PAK1: variants seen among roughly 807,000 people sequenced by gnomAD.
The protein encoded by PAK1 is p21 (RAC1) activated kinase 1.
PAK1 carries 29 observed loss-of-function variants against 67.4 expected under a neutral mutation model. The observed-to-expected ratio is 0.43, with a 90% CI of 0.32 to 0.59. The LOEUF (loss-of-function observed/expected upper bound fraction) is 0.59, where lower values mean the gene tolerates loss of function less well. Ranked by LOEUF, PAK1 falls within the 20% of genes least tolerant of loss-of-function variation. PAK1 has a pLI of 0.07. For synonymous variants in PAK1, 223 were observed against 237.4 expected, an observed-to-expected ratio of 0.94 and a Z score of 0.56; for missense variants, 337 against 670.7, an observed-to-expected ratio of 0.50 and a Z score of 5.50.
the PAK1 span, among the ~76,000 whole-genome samples, chr11:77,487,908 C>T: frequency 6.6e-6 from 1 of 152,144 alleles, no homozygotes; most frequent in East Asian, 1.9e-4. Flanking sequence ...ATTGTAGAGC[C>T]CTAGGGCCTT....
the PAK1 span, among the ~76,000 whole-genome samples, chr11:77,482,605 T>TC: frequency 6.6e-6 from 1 of 151,254 alleles, no homozygotes; most frequent in Non-Finnish European, 1.5e-5. Context: ...TTCTTTTTTT[T>TC]TTTTTTGAGA....
the PAK1 span, among the ~76,000 whole-genome samples, chr11:77,525,148 C>T: frequency 1.3e-5 from 2 of 149,134 alleles, no homozygotes; most frequent in South Asian, 2.1e-4. Context: ...AGTTTGAGAC[C>T]AGCCCGGGCA....
At chr11:77,381,169 G>T (rs1239380041) in intron 2 of PAK1, among the ~76,000 whole-genome samples, 1 of 141,056 alleles carries the variant, frequency 7.1e-6, no homozygotes, top group Non-Finnish European at 1.6e-5. Flanking sequence ...GTGTGTGTGT[G>T]TGTGTGTAGA....
At chr11:77,520,593 C>A in the PAK1 span, among the ~76,000 whole-genome samples, 1 of 152,070 alleles carries the variant, frequency 6.6e-6, no homozygotes, top group Non-Finnish European at 1.5e-5. Context: ...CTAAGCCAAC[C>A]AGTTTAAGGT....
rs1441420166 is a variant in PAK1, at chr11:77,337,373, G to A, written c.1167C>T (p.Asp389=). 3 of 1,611,848 alleles carry A rather than the reference G, an allele frequency of 1.9e-6. No individual in the cohort carries two copies. Among genetic ancestry groups the A allele is most frequent in the Non-Finnish European group, 2.5e-6 (3 of 1,178,254 alleles). The change falls in exon 12 of 15, where the codon GAC becomes GAT. Residue 389 remains aspartate (D), a synonymous_variant. Transcript: ENST00000356341. ...FLHSNQVIHR[D]IKSDNILLGM... is the part of the protein sequence containing the mutation. ...CCAACAGAATATTGTCACTCTTGAT[G>A]TCTCTGTGAATGACCTGGTTCGAAT...
At chr11:77,405,676 C>CAGACAG (rs1361422971) in intron 1 of PAK1, among the ~76,000 whole-genome samples, 2 of 76,114 alleles carry the variant, frequency 2.6e-5, no homozygotes, top group African/African-American at 1.1e-4. Context: ...GACAGACAGA[C>CAGACAG]ACACACACAC....
the PAK1 span, among the ~76,000 whole-genome samples, chr11:77,507,598 CT>C: frequency 6.6e-6 from 1 of 152,132 alleles, no homozygotes; most frequent in African/African-American, 2.4e-5. Flanking sequence ...TCATAGCTCA[CT>C]GCTAACTCGA....
intron 12 of PAK1, 116 bp downstream of exon 12, chr11:77,337,208 T>C (rs1028231286): frequency 9.2e-6 from 5 of 543,300 alleles, no homozygotes; most frequent in Non-Finnish European, 1.3e-5. Context: ...TCATATCCCA[T>C]GAAATCATAA....
At chr11:77,384,153 G>A (rs1171128488) in intron 2 of PAK1, among the ~76,000 whole-genome samples, 2 of 152,132 alleles carry the variant, frequency 1.3e-5, no homozygotes, top group African/African-American at 4.8e-5. Context: ...AATAAGCAGA[G>A]GCCAAAAGAA....
chr11:77,451,974 C>T (rs551802176), intron 1 of PAK1, among the ~76,000 whole-genome samples: 4 of 152,148 alleles, frequency 2.6e-5, no homozygotes, highest in East Asian at 3.8e-4. Flanking sequence ...TTTTCCCCTA[C>T]ATTTATATAT....
At chr11:77,500,208 C>T in the PAK1 span, among the ~76,000 whole-genome samples, 1 of 152,232 alleles carries the variant, frequency 6.6e-6, no homozygotes, top group Non-Finnish European at 1.5e-5. Flanking sequence ...GTGGCTCACG[C>T]CTGTAATCCC....
the PAK1 span, among the ~76,000 whole-genome samples, chr11:77,510,192 A>G: frequency 6.6e-6 from 1 of 152,224 alleles, no homozygotes; most frequent in Non-Finnish European, 1.5e-5. Context: ...TCTGCTAATA[A>G]CTGGATATTA....
chr11:77,408,658 G>A (rs1954023225), intron 1 of PAK1, among the ~76,000 whole-genome samples: 1 of 151,976 alleles, frequency 6.6e-6, no homozygotes, highest in Admixed American at 6.6e-5. Context: ...TTTAAGGACA[G>A]TGCTCACAAA....
intron 2 of PAK1, among the ~76,000 whole-genome samples, chr11:77,383,866 G>C (rs1362424787): frequency 6.6e-6 from 1 of 152,136 alleles, no homozygotes; most frequent in South Asian, 2.1e-4. Context: ...GAGCTAAACA[G>C]CTGAGGTCAG....
intron 1 of PAK1, among the ~76,000 whole-genome samples, chr11:77,395,591 C>A (rs1385769767): frequency 6.6e-6 from 1 of 151,724 alleles, no homozygotes; most frequent in African/African-American, 2.4e-5. Flanking sequence ...TTTACTTATA[C>A]ACACACACAG....
intron 1 of PAK1, among the ~76,000 whole-genome samples, chr11:77,402,091 G>A (rs1399402703): frequency 6.6e-6 from 1 of 152,064 alleles, no homozygotes; most frequent in African/African-American, 2.4e-5. Flanking sequence ...AACCTATAGG[G>A]TTATGCAATT....
chr11:77,493,957 A>G, the PAK1 span, among the ~76,000 whole-genome samples: 3 of 152,238 alleles, frequency 2.0e-5, no homozygotes, highest in African/African-American at 7.2e-5. Flanking sequence ...ACAAACACTC[A>G]AAAGATTGAT....
At chr11:77,372,158 C>T (rs1002089552) in intron 5 of PAK1, among the ~76,000 whole-genome samples, 2 of 152,214 alleles carry the variant, frequency 1.3e-5, no homozygotes, top group African/African-American at 4.8e-5. Context: ...TGATAGCTAT[C>T]ACTCTTCCTA....
intron 1 of PAK1, among the ~76,000 whole-genome samples, chr11:77,423,022 C>G (rs1001523572): frequency 1.3e-5 from 2 of 152,024 alleles, no homozygotes; most frequent in African/African-American, 4.8e-5. Flanking sequence ...AATGCCCTCC[C>G]TCCAGAAAAT....
Sources: allele counts gnomAD v4.1 joint callset (sites outside exome capture counted in the v4.1 genomes callset), GRCh38; gene constraint gnomAD v4.1.1; transcripts MANE v1.5; gene names NCBI Gene and HGNC (gene_info 2026-07-23, HGNC 2026-07-21).